The following JADE2 variants were observed in gnomAD, a reference collection of about 807,000 sequenced individuals.
JADE2 encodes the protein E3 ubiquitin-protein ligase Jade-2.
Under a neutral mutation model 85.7 loss-of-function variants are expected in JADE2, and 13 were observed. The observed-to-expected ratio is 0.15, with a 90% CI of 0.10 to 0.24. The LOEUF (loss-of-function observed/expected upper bound fraction) is 0.24. JADE2 is among the 10% of genes least tolerant of loss of function. The pLI, the probability that JADE2 is intolerant of heterozygous loss-of-function variation, is 1.00. For synonymous variants in JADE2, 440 were observed against 456.1 expected, an observed-to-expected ratio of 0.96 and a Z score of 0.45; for missense variants, 846 against 1,115.9, an observed-to-expected ratio of 0.76 and a Z score of 3.45.
chr5:134,577,898 C>G (rs1446349297), intron 11 of JADE2, among the ~76,000 whole-genome samples: 1 of 151,984 alleles, frequency 6.6e-6, no homozygotes, highest in Non-Finnish European at 1.5e-5. Flanking sequence ...CTATTCGTAC[C>G]TGATCCCTTT....
In JADE2 at chr5:134,562,510, C is replaced by T. The variant is rs542642247; in HGVS notation, c.852+143C>T. ...GAGATCGGCCGGGCGCGGTGGCTCA[C>T]GCCTGTAATCCCAGCATTTTGGGAG... On this transcript the variant is annotated intron_variant, in intron 7 of 11. Transcript: ENST00000681547. This position sits in a 1 kb window ranked among gnomAD's most constrained non-coding sequence, Gnocchi z 4.6. The T allele has an allele frequency of 5.8e-5, 48 of 829,126 alleles. 1 individual carries two copies. The highest frequency in any genetic ancestry group is 5.3e-4 in the East Asian group (19 of 36,036). 51.4% of individuals were successfully genotyped at this position (829,126 alleles called of 1,614,324 possible).
chr5:134,529,209 G>C lies in JADE2; in HGVS notation c.-1+3198G>C, dbSNP rs187427027. On this transcript the variant is annotated intron_variant, in intron 1 of 11. Transcript: ENST00000681547. ...TTGGGACCTCACAGTTCTCCCTTTA[G>C]GTTCTCTGATGGGGAGAACAGGTCA... Among the ~76,000 whole-genome samples, 93 of 152,306 alleles carry C rather than the reference G, an allele frequency of 6.1e-4. 1 individual carries two copies. The highest frequency in any genetic ancestry group is 2.1e-3 in the African/African-American group (86 of 41,556).
rs1219720080 is a variant in JADE2 at position 134,525,873 on chromosome 5, A to G, written c.-139A>G. The G allele has an allele frequency of 9.1e-6, 9 of 985,904 alleles. No individual in the cohort carries two copies. The highest frequency in any genetic ancestry group is 8.4e-6 in the Non-Finnish European group (7 of 830,724). 61.1% of individuals were successfully genotyped at this position (985,904 alleles called of 1,614,324 possible). A position where few individuals can be genotyped will look rare whatever the true frequency, so the allele number is the denominator to read the frequency against. ...GGGCCCGGCCGCCTCCCTCGCCGCG[A>G]CCCCGGATGGATGCGCGCCCCCCGC... On this transcript the variant is annotated 5_prime_UTR_variant, in exon 1 of 12. Coordinates refer to ENST00000681547, the MANE Select transcript of JADE2 (RefSeq NM_001388185.1).
At chr5:134,556,167 G>C (rs1286257786) in intron 4 of JADE2, among the ~76,000 whole-genome samples, 2 of 152,162 alleles carry the variant, frequency 1.3e-5, no homozygotes, top group Non-Finnish European at 2.9e-5. Context: ...TGGCAGCCTT[G>C]CCCCCGACCC....
At position 134,562,152 on chromosome 5, in the gene JADE2, A is replaced by T; in HGVS notation, c.685-48A>T. ...AAATGCAGCTGACTGCTGACCAGAC[A>T]CAGATTGGCCAGTTCCGCTGACTCA... On this transcript the variant is annotated intron_variant, in intron 6 of 11. Transcript: ENST00000681547. The surrounding 1 kb of genome is among the most constrained non-coding windows in gnomAD (Gnocchi z 4.6). 1 of 1,547,164 alleles carries T rather than the reference A, an allele frequency of 6.5e-7. No homozygotes were observed.
chr5:134,558,642 A>G (rs1188502470), intron 4 of JADE2, among the ~76,000 whole-genome samples: 3 of 152,202 alleles, frequency 2.0e-5, no homozygotes, highest in African/African-American at 7.2e-5. Flanking sequence ...GGGTTCAAGC[A>G]ATTCTTCTGC....
chr5:134,545,246 G>T (rs1286943944), intron 3 of JADE2, among the ~76,000 whole-genome samples: 1 of 152,164 alleles, frequency 6.6e-6, no homozygotes, highest in Non-Finnish European at 1.5e-5. Flanking sequence ...GGGGTGGGGG[G>T]CAGGATCCAC....
At chr5:134,529,597 C>A (rs1761098139) in intron 1 of JADE2, among the ~76,000 whole-genome samples, 1 of 152,212 alleles carries the variant, frequency 6.6e-6, no homozygotes. Flanking sequence ...AGACTAAGCC[C>A]AAAGCAGGCA....
chr5:134,582,305 G>T lies in JADE2; in HGVS notation c.*2988G>T, dbSNP rs1056746759. 1 of 152,192 alleles carries T rather than the reference G, an allele frequency of 6.6e-6. No individual in the cohort carries two copies. The highest frequency in any genetic ancestry group is 1.5e-5 in the Non-Finnish European group (1 of 68,032). The allele number at this position is 152,192 out of a possible 1,614,324, so 9.4% of individuals were successfully genotyped here. On this transcript the variant is annotated 3_prime_UTR_variant, in exon 12 of 12. Transcript: ENST00000681547. ...GTGTGTGAGCATTTGCAATGTAAGG[G>T]CCTCAGCTTCCTTGGAGAAGCCACC...
chr5:134,581,145 G>C lies in JADE2; in HGVS notation c.*1828G>C, dbSNP rs547682904. 3 of 152,594 alleles carry C rather than the reference G, an allele frequency of 2.0e-5. No homozygotes were observed. Among genetic ancestry groups the C allele is most frequent in the Non-Finnish European group, 4.4e-5 (3 of 68,052 alleles). The allele number at this position is 152,594 out of a possible 1,614,324, so 9.5% of individuals were successfully genotyped here. A position where few individuals can be genotyped will look rare whatever the true frequency, so the allele number is the denominator to read the frequency against. ...AACAGGAAACAAAGATAATGACTCA[G>C]TTCAGAGGATCGGACAAATGTGTCT... On this transcript the variant is annotated 3_prime_UTR_variant, in exon 12 of 12. Coordinates refer to ENST00000681547, the MANE Select transcript of JADE2 (RefSeq NM_001388185.1).
intron 11 of JADE2, 122 bp downstream of exon 11, chr5:134,577,018 A>G: frequency 8.3e-7 from 1 of 1,210,880 alleles, no homozygotes. Flanking sequence ...AAGAGCGGTA[A>G]CCAGGCCCTT....
rs771019332 is a variant in JADE2, at chr5:134,538,028, T to C, written c.98T>C (p.Leu33Pro). Residue 33 changes from leucine (L) to proline (P), a missense_variant, in exon 3 of 12, where the codon CTG becomes CCG. Leu to Pro is a moderately conservative substitution (Grantham distance 98). This residue lies in a region of JADE2 where 47 missense variants were observed against 42.2 expected (regional missense o/e 1.11). Coordinates refer to ENST00000681547, the MANE Select transcript of JADE2 (RefSeq NM_001388185.1). ...TSTSASRCSK[L>P]PSSTKSGWPR... Reference sequence around the variant, plus strand: ...ACATCCGCATCAAGATGCTCCAAACTGCCCAGCAGCACCAAGTCGGGCTGG... The same window carrying C: ...ACATCCGCATCAAGATGCTCCAAACCGCCCAGCAGCACCAAGTCGGGCTGG... 3.7e-6 allele frequency: 6 copies of C among 1,614,020 alleles called. No individual in the cohort carries two copies. In the African/African-American group the frequency reaches 8.0e-5, roughly 22 times the overall value.
At chr5:134,569,187 G>C (rs922969223) in intron 9 of JADE2, among the ~76,000 whole-genome samples, 13 of 152,180 alleles carry the variant, frequency 8.5e-5, no homozygotes, top group African/African-American at 3.1e-4. Context: ...TGTTGTTACT[G>C]TCCTGGCCCC....
chr5:134,565,498 A>C (rs996940362), intron 8 of JADE2, among the ~76,000 whole-genome samples: 1 of 152,192 alleles, frequency 6.6e-6, no homozygotes, highest in African/African-American at 2.4e-5. Context: ...GTGACCCATC[A>C]TCAGCCTTTC....
Position 134,579,071 on chromosome 5 carries a change from G to C in JADE2, c.2259G>C (p.Arg753=). The stretch of plus-strand genomic sequence containing the variant: ...GCCCTAAGCCTTTGGGCCGGCTCCG[G>C]CCACCCCGCGAGAGCAAGGTAACCC... ...AASPKPLGRL[R]PPRESKVTRR... The change falls in exon 12 of 12, where the codon CGG becomes CGC. Residue 753 remains arginine, a synonymous_variant. Transcript: ENST00000681547. This position sits in a 1 kb window ranked among gnomAD's most constrained non-coding sequence, Gnocchi z 4.6. 1.9e-6 allele frequency: 3 copies of C among 1,614,040 alleles called. No homozygotes were observed. The highest frequency in any genetic ancestry group is 2.5e-6 in the Non-Finnish European group (3 of 1,179,970).
chr5:134,561,464 A>T (rs896936551), intron 6 of JADE2, among the ~76,000 whole-genome samples: 2 of 152,190 alleles, frequency 1.3e-5, no homozygotes, highest in Admixed American at 6.5e-5. Flanking sequence ...AGTAAGGGCT[A>T]TATGTATTTG....
rs190418565 is a variant in JADE2, at chr5:134,528,568, C to A, written c.-1+2557C>A. 6.1e-4 allele frequency among the ~76,000 whole-genome samples: 93 copies of A among 152,216 alleles called. 1 individual carries two copies. The highest frequency in any genetic ancestry group is 1.9e-3 in the African/African-American group (78 of 41,518). ...CAGGCTGCAAAAACAGGCTTTGATC[C>A]GAAGTGGGCGAATAATTTATTGAGC... On this transcript the variant is annotated intron_variant, in intron 1 of 11. Coordinates refer to ENST00000681547, the MANE Select transcript of JADE2 (RefSeq NM_001388185.1).
At chr5:134,536,868 G>A (rs1761624013) in intron 2 of JADE2, 1 of 152,222 alleles carries the variant, frequency 6.6e-6, no homozygotes, top group African/African-American at 2.4e-5. Flanking sequence ...GCTTGCCAAG[G>A]CCCCTCCTAG....
At chr5:134,530,440 GCCTAGTGGC>G (rs1043312194) in intron 1 of JADE2, among the ~76,000 whole-genome samples, 7 of 151,988 alleles carry the variant, frequency 4.6e-5, no homozygotes, top group Non-Finnish European at 1.0e-4. Context: ...GGCAGGCCAG[GCCTAGTGGC>G]CCCTGGAGAG....
Sources: allele counts gnomAD v4.1 joint callset (sites outside exome capture counted in the v4.1 genomes callset), GRCh38; gene constraint gnomAD v4.1.1; regional missense constraint gnomAD v4.1.1; non-coding constraint Gnocchi (gnomAD v3.1); transcripts MANE v1.5; gene names NCBI Gene and HGNC (gene_info 2026-07-23, HGNC 2026-07-21).